Variants in TENM3 observed in about 807,000 individuals in gnomAD.
TENM3 encodes teneurin transmembrane protein 3.
A neutral mutation model predicts 255.1 loss-of-function variants in TENM3; 63 were observed. The observed-to-expected ratio is 0.25, with a 90% CI of 0.20 to 0.30. The LOEUF (loss-of-function observed/expected upper bound fraction) is 0.30. TENM3 is among the 10% of genes least tolerant of loss of function. The pLI, the probability that TENM3 is intolerant of heterozygous loss-of-function variation, is 1.00. For synonymous variants in TENM3, 1,306 were observed against 1,322.3 expected, an observed-to-expected ratio of 0.99 and a Z score of 0.27; for missense variants, 2,929 against 3,461.1, an observed-to-expected ratio of 0.85 and a Z score of 3.86.
chr4:181,455,713 T>C, the TENM3 span, among the ~76,000 whole-genome samples: 1 of 151,970 alleles, frequency 6.6e-6, no homozygotes, highest in Non-Finnish European at 1.5e-5. Context: ...AGTGTCGAGG[T>C]ATTTATTCTT....
At chr4:182,621,736 TAATATATAATATATTATA>T (rs1750243284) in intron 4 of TENM3, among the ~76,000 whole-genome samples, 1 of 4,388 alleles carries the variant, frequency 2.3e-4, no homozygotes, top group Admixed American at 6.9e-3. Flanking sequence ...ATAAAATATA[TAATATATAATATATTATA>T]ATATATAATA....
At chr4:181,684,480 G>A in the TENM3 span, among the ~76,000 whole-genome samples, 1 of 152,130 alleles carries the variant, frequency 6.6e-6, no homozygotes, top group Non-Finnish European at 1.5e-5. Context: ...GTGTGAAAAT[G>A]TGAGAAATGT....
chr4:182,406,872 G>A (rs1302287048), intron 3 of TENM3, among the ~76,000 whole-genome samples: 2 of 152,160 alleles, frequency 1.3e-5, no homozygotes, highest in East Asian at 1.9e-4. Context: ...GGTTTCAGAC[G>A]TTTCATGTCC....
At chr4:182,169,871 G>T (rs2149687931) in intron 1 of TENM3, among the ~76,000 whole-genome samples, 1 of 152,032 alleles carries the variant, frequency 6.6e-6, no homozygotes, top group African/African-American at 2.4e-5. Context: ...GATTCAACTT[G>T]CTGACAGTGT....
the TENM3 span, among the ~76,000 whole-genome samples, chr4:181,822,979 A>AAAAAAATC: frequency 6.6e-6 from 1 of 152,154 alleles, no homozygotes; most frequent in East Asian, 1.9e-4. Flanking sequence ...TGAGAATACG[A>AAAAAAATC]TCTAAAAAAA....
chr4:182,215,648 T>C (rs557455764), intron 1 of TENM3, among the ~76,000 whole-genome samples: 16 of 152,308 alleles, frequency 1.1e-4, no homozygotes, highest in Admixed American at 9.8e-4. Context: ...ATCTATGGAT[T>C]CTATAAGGCC....
Position 182,668,671 on chromosome 4 carries a change from G to A in TENM3, c.1112-4334G>A, listed in dbSNP as rs144195315. Among the ~76,000 whole-genome samples, 9 of 152,198 alleles carry A rather than the reference G, an allele frequency of 5.9e-5. No homozygotes were observed. In the East Asian group the frequency reaches 9.7e-4, roughly 16 times the overall value. ...AACAGGATAAATAGATATACTTCGCGACACAACGATGTATTCACATATCAT... is the reference window on the plus strand; with the variant it reads ...AACAGGATAAATAGATATACTTCGCAACACAACGATGTATTCACATATCAT... On this transcript the variant is annotated intron_variant, in intron 6 of 27. Coordinates refer to ENST00000511685, the MANE Select transcript of TENM3 (RefSeq NM_001080477.4).
chr4:181,849,949 T>TCTCTCTCTCTCTCACACACACACA, the TENM3 span, among the ~76,000 whole-genome samples: 146 of 65,934 alleles, frequency 2.2e-3, 1 homozygote, highest in South Asian at 4.7e-3. Flanking sequence ...TCTCTCTCTC[T>TCTCTCTCTCTCTCACACACACACA]CACACACACA....
chr4:181,968,962 GTCTCTCTCTC>G, the TENM3 span, among the ~76,000 whole-genome samples: 389 of 144,524 alleles, frequency 2.7e-3, 1 homozygote, highest in Middle Eastern at 7.0e-3. Context: ...TACCTCTCTT[GTCTCTCTCTC>G]TCTCTCTCTC....
intron 22 of TENM3, among the ~76,000 whole-genome samples, chr4:182,762,587 A>G (rs1763293961): frequency 1.3e-5 from 2 of 152,214 alleles, no homozygotes; most frequent in African/African-American, 4.8e-5. Context: ...ACAATAAAAT[A>G]AAAGCAATGC....
the TENM3 span, among the ~76,000 whole-genome samples, chr4:181,810,796 A>C: frequency 6.6e-6 from 1 of 152,080 alleles, no homozygotes; most frequent in African/African-American, 2.4e-5. Context: ...CTTGGACTAA[A>C]TGAACGGTAT....
At chr4:181,605,588 A>AGAAAGAAAGAGAGAGAGAAAGAAAG in the TENM3 span, among the ~76,000 whole-genome samples, 1 of 37,572 alleles carries the variant, frequency 2.7e-5, no homozygotes, top group East Asian at 7.4e-4. Flanking sequence ...AAGAAAGGAA[A>AGAAAGAAAGAGAGAGAGAAAGAAAG]GAAAGAAAGA....
chr4:182,551,968 T>C (rs1316731112), intron 3 of TENM3, among the ~76,000 whole-genome samples: 1 of 149,690 alleles, frequency 6.7e-6, no homozygotes, highest in Non-Finnish European at 1.5e-5. Context: ...CAGTGAGCTG[T>C]GATTGCATCA....
intron 1 of TENM3, among the ~76,000 whole-genome samples, chr4:182,306,167 T>TA (rs1463684367): frequency 6.6e-6 from 1 of 152,104 alleles, no homozygotes; most frequent in Non-Finnish European, 1.5e-5. Context: ...GAACCATACT[T>TA]ACATTTGAAA....
intron 3 of TENM3, among the ~76,000 whole-genome samples, chr4:182,589,342 A>G (rs189526764): frequency 1.3e-5 from 2 of 152,186 alleles, no homozygotes; most frequent in East Asian, 1.9e-4. Context: ...AAACAATCCA[A>G]TGAGATTTTA....
intron 12 of TENM3, among the ~76,000 whole-genome samples, chr4:182,709,554 A>C (rs1318669066): frequency 6.6e-6 from 1 of 152,022 alleles, no homozygotes; most frequent in Non-Finnish European, 1.5e-5. Context: ...GCATTTTTTT[A>C]TTTCCTATTG....
chr4:182,720,386 A>G (rs1024355783), intron 13 of TENM3, among the ~76,000 whole-genome samples: 3 of 152,074 alleles, frequency 2.0e-5, no homozygotes, highest in Admixed American at 6.6e-5. Flanking sequence ...ATTACAAGAG[A>G]TCACAAGTAT....
intron 13 of TENM3, among the ~76,000 whole-genome samples, chr4:182,727,607 G>A (rs1760322385): frequency 6.6e-6 from 1 of 152,106 alleles, no homozygotes; most frequent in Non-Finnish European, 1.5e-5. Context: ...GCCATTGAGT[G>A]TAGTTTCCTT....
intron 1 of TENM3, among the ~76,000 whole-genome samples, chr4:182,307,561 C>T (rs968912273): frequency 6.6e-6 from 1 of 152,138 alleles, no homozygotes; most frequent in Non-Finnish European, 1.5e-5. Flanking sequence ...TAAAATCCTC[C>T]TGACATAGGG....
Sources: gnomAD v4.1 joint callset for allele counts (sites outside exome capture counted in the v4.1 genomes callset) on GRCh38, gnomAD v4.1.1 for gene constraint, MANE v1.5 for transcripts, NCBI Gene and HGNC (gene_info 2026-07-23, HGNC 2026-07-21) for gene names.